OPRM1: variants seen among roughly 807,000 people sequenced by gnomAD.
The protein encoded by OPRM1 is mu-type opioid receptor.
Under a neutral mutation model 31.8 loss-of-function variants are expected in OPRM1, and 27 were observed. The ratio of observed to expected loss-of-function variants is 0.85; its 90% confidence interval spans 0.63 to 1.17. The LOEUF (loss-of-function observed/expected upper bound fraction) is 1.17. Among genes scored for constraint, OPRM1 ranks in the 50% most tolerant of loss-of-function variants. OPRM1 has a pLI of 0.00. For missense variants in OPRM1, 536 were observed against 511.1 expected (o/e 1.05, Z -0.47); for synonymous variants, 196 against 189.9 (o/e 1.03, Z -0.26).
chr6:154,108,995 TATG>T, intron 3 of OPRM1: 1 of 984,846 alleles, frequency 1.0e-6, no homozygotes, highest in African/African-American at 1.7e-5. Flanking sequence ...GGACCAGCAA[TATG>T]ATGATAAAAG....
intron 3 of OPRM1, among the ~76,000 whole-genome samples, chr6:154,241,887 C>G (rs1279135805): frequency 2.0e-5 from 3 of 152,230 alleles, no homozygotes; most frequent in Non-Finnish European, 4.4e-5. Flanking sequence ...CCCCCATTCA[C>G]TGGCCCTAAG....
intron 1 of OPRM1, among the ~76,000 whole-genome samples, chr6:154,076,106 C>G (rs1171827644): frequency 1.3e-5 from 2 of 152,032 alleles, no homozygotes; most frequent in African/African-American, 2.4e-5. Flanking sequence ...TGTATTTATA[C>G]AGTAAGCATG....
At chr6:154,148,223 T>G (rs1798406972) in intron 3 of OPRM1, among the ~76,000 whole-genome samples, 3 of 152,238 alleles carry the variant, frequency 2.0e-5, no homozygotes, top group Admixed American at 2.0e-4. Context: ...ACTGAGGCAC[T>G]GTATCAAGGA....
rs373138354 is a variant in OPRM1 at position 154,123,495 on chromosome 6, G to C, written c.*4774G>C. 6.6e-6 allele frequency among the ~76,000 whole-genome samples: 1 copy of C among 152,162 alleles called. No homozygotes were observed. The highest frequency in any genetic ancestry group is 1.5e-5 in the Non-Finnish European group (1 of 68,012). On this transcript the variant is annotated 3_prime_UTR_variant, in exon 4 of 4. Coordinates refer to ENST00000330432, the MANE Select transcript of OPRM1 (RefSeq NM_000914.5). ...ACTAGTCTTAGCTGTTTACCTAACT[G>C]ATTGGTCCTTTTCTTCTCCCTGAAA... is the stretch of plus-strand genomic sequence containing the variant.
At chr6:154,138,872 T>C (rs1798128689) in intron 3 of OPRM1, among the ~76,000 whole-genome samples, 1 of 152,198 alleles carries the variant, frequency 6.6e-6, no homozygotes, top group African/African-American at 2.4e-5. Context: ...GATCAATGCT[T>C]GAGATGTTTT....
rs1015747868 is a variant in OPRM1 at position 154,126,570 on chromosome 6, C to G, written c.*7849C>G. Among the ~76,000 whole-genome samples, 18 of 152,182 alleles carry G rather than the reference C, an allele frequency of 1.2e-4. No individual in the cohort carries two copies. The highest frequency in any genetic ancestry group is 4.1e-4 in the African/African-American group (17 of 41,450). Reference sequence around the variant, plus strand: ...GGGTTGCAGAAGTGCTTTTCATATTCTGTATCTGGTTGTGGTGGCAATGTC... The same window carrying G: ...GGGTTGCAGAAGTGCTTTTCATATTGTGTATCTGGTTGTGGTGGCAATGTC... On this transcript the variant is annotated 3_prime_UTR_variant, in exon 4 of 4. Coordinates refer to ENST00000330432, the MANE Select transcript of OPRM1 (RefSeq NM_000914.5).
At chr6:154,050,456 A>G (rs1256092920) in intron 1 of OPRM1, among the ~76,000 whole-genome samples, 1 of 152,216 alleles carries the variant, frequency 6.6e-6, no homozygotes, top group Non-Finnish European at 1.5e-5. Context: ...AACAACATGG[A>G]TGGAACTAGA....
In OPRM1 at chr6:154,130,751, A is replaced by AAT. The variant is rs1026540652; in HGVS notation, c.*12040_*12041dup. ...CAATATAAATAGAATATATAAAGGG[A>AAT]ATATATATATACCAATATAAATGGG... On this transcript the variant is annotated 3_prime_UTR_variant, in exon 4 of 4. Transcript: ENST00000330432. Among the ~76,000 whole-genome samples, 177 of 152,004 alleles carry AAT rather than the reference A, an allele frequency of 1.2e-3. No homozygotes were observed. Among genetic ancestry groups the AAT allele is most frequent in the African/African-American group, 3.9e-3 (160 of 41,526 alleles).
At chr6:154,226,951 C>T (rs1296899300) in intron 3 of OPRM1, among the ~76,000 whole-genome samples, 2 of 152,128 alleles carry the variant, frequency 1.3e-5, no homozygotes, top group Non-Finnish European at 2.9e-5. Context: ...AATCCCAGCA[C>T]TTTGGGAGGC....
rs1376015576 is a variant in OPRM1, at chr6:154,127,474, G to A, written c.*8753G>A. Among the ~76,000 whole-genome samples, 2 of 152,086 alleles carry A rather than the reference G, an allele frequency of 1.3e-5. No individual in the cohort carries two copies. The highest frequency in any genetic ancestry group is 4.8e-5 in the African/African-American group (2 of 41,410). On this transcript the variant is annotated 3_prime_UTR_variant, in exon 4 of 4. Coordinates refer to ENST00000330432, the MANE Select transcript of OPRM1 (RefSeq NM_000914.5). ...TTTATTTGTTTGTTGTGTTTAAGAC[G>A]TTTTACTTGTCCCTGAAATGTTTGT...
chr6:154,241,545 A>G (rs1319372258), intron 3 of OPRM1, among the ~76,000 whole-genome samples: 1 of 152,130 alleles, frequency 6.6e-6, no homozygotes, highest in East Asian at 1.9e-4. Context: ...AAAACTTGGA[A>G]TCATGCTTAT....
At chr6:154,067,261 A>C (rs905938205) in intron 1 of OPRM1, among the ~76,000 whole-genome samples, 4 of 151,752 alleles carry the variant, frequency 2.6e-5, no homozygotes, top group Non-Finnish European at 5.9e-5. Flanking sequence ...TGTTAACTTA[A>C]GATTTTTAAA....
At chr6:154,220,700 G>C (rs1271685500) in intron 3 of OPRM1, among the ~76,000 whole-genome samples, 1 of 152,120 alleles carries the variant, frequency 6.6e-6, no homozygotes, top group African/African-American at 2.4e-5. Context: ...AAACCATTAG[G>C]AATGGTGTAG....
intron 1 of OPRM1, among the ~76,000 whole-genome samples, chr6:154,072,626 C>T (rs777817764): frequency 6.6e-6 from 1 of 152,146 alleles, no homozygotes; most frequent in Non-Finnish European, 1.5e-5. Context: ...AATCAATGGA[C>T]AGTCATACAT....
chr6:154,011,084 G>A, intron 1 of OPRM1: 1 of 1,261,618 alleles, frequency 7.9e-7, no homozygotes, highest in Non-Finnish European at 1.0e-6. Flanking sequence ...AAGAGGAGGA[G>A]TAAGGGCTGC....
chr6:154,015,039 C>G (rs1777928512), intron 1 of OPRM1, among the ~76,000 whole-genome samples: 1 of 152,052 alleles, frequency 6.6e-6, no homozygotes, highest in Non-Finnish European at 1.5e-5. Context: ...CAAAAGTAAA[C>G]TTAAACAAAT....
Position 154,132,190 on chromosome 6 carries a change from C to G in OPRM1, c.*13469C>G, listed in dbSNP as rs1040309940. Among the ~76,000 whole-genome samples, 1 of 152,086 alleles carries G rather than the reference C, an allele frequency of 6.6e-6. No homozygotes were observed. The highest frequency in any genetic ancestry group is 2.1e-4 in the South Asian group (1 of 4,824). The stretch of plus-strand genomic sequence containing the variant: ...TCACTAAATTATTTTTACATTACTC[C>G]TATTTGACTGTTTCAGATAGTTGTA... On this transcript the variant is annotated 3_prime_UTR_variant, in exon 4 of 4. Coordinates refer to ENST00000330432, the MANE Select transcript of OPRM1 (RefSeq NM_000914.5).
intron 1 of OPRM1, among the ~76,000 whole-genome samples, chr6:154,069,517 A>G (rs568478698): frequency 6.6e-6 from 1 of 152,154 alleles, no homozygotes; most frequent in Non-Finnish European, 1.5e-5. Flanking sequence ...GATTACAGGC[A>G]TGAGCCACCG....
At chr6:154,146,827 G>A (rs1447243069) in intron 3 of OPRM1, among the ~76,000 whole-genome samples, 3 of 152,166 alleles carry the variant, frequency 2.0e-5, no homozygotes. Flanking sequence ...GAAGAGTTGG[G>A]GCCAGAGATG....
Sources: allele counts gnomAD v4.1 joint callset (sites outside exome capture counted in the v4.1 genomes callset), GRCh38; gene constraint gnomAD v4.1.1; transcripts MANE v1.5; gene names NCBI Gene and HGNC (gene_info 2026-07-23, HGNC 2026-07-21).